Variants in SMC5 observed in about 807,000 individuals in gnomAD.
SMC5 encodes the protein structural maintenance of chromosomes 5.
A neutral mutation model predicts 148.3 loss-of-function variants in SMC5; 88 were observed. That is an observed-to-expected ratio of 0.59 (90% CI 0.50 to 0.71). The LOEUF is 0.71. Among genes scored for constraint, SMC5 ranks in the 30% least tolerant of loss-of-function variants. SMC5 has a pLI of 0.00. For missense variants in SMC5, 1,142 were observed against 1,298.9 expected, an observed-to-expected ratio of 0.88 and a Z score of 1.86; for synonymous variants, 421 against 432.8, an observed-to-expected ratio of 0.97 and a Z score of 0.34.
At position 70,298,170 on chromosome 9, in the gene SMC5, G is replaced by A. The variant is rs778198722; in HGVS notation, c.1258G>A (p.Glu420Lys). Residue 420 changes from glutamate (E) to lysine (K), a missense_variant, in exon 9 of 25, where the codon GAA (glutamate) becomes AAA (lysine). Around this residue, in one of 5 missense-constraint regions of SMC5, gnomAD observed 743 missense variants for 835.7 expected, o/e 0.89. Transcript: ENST00000361138. Reference sequence around the variant, plus strand: ...GGATGAAAAGGCATTATGTGAAGGCGAAATAATTGATAAGCGAAGAGAGAG... The same window carrying A: ...GGATGAAAAGGCATTATGTGAAGGCAAAATAATTGATAAGCGAAGAGAGAG... The part of the protein sequence containing the change: ...IQDEKALCEG[E>K]IIDKRRERET... 3.7e-6 allele frequency: 6 copies of A among 1,613,802 alleles called. No homozygotes were observed. The African/African-American group carries it at 4.0e-5, about 11-fold the overall frequency.
intron 8 of SMC5, among the ~76,000 whole-genome samples, chr9:70,296,588 A>C (rs527499915): frequency 6.6e-6 from 1 of 152,144 alleles, no homozygotes; most frequent in Admixed American, 6.6e-5. Context: ...AAGGACATTA[A>C]GATTATAAGT....
chr9:70,342,562 A>G (rs2036557130), intron 17 of SMC5, among the ~76,000 whole-genome samples: 1 of 152,050 alleles, frequency 6.6e-6, no homozygotes, highest in Non-Finnish European at 1.5e-5. Flanking sequence ...GACCTGTTTT[A>G]TTTCTCAGAA....
intron 17 of SMC5, among the ~76,000 whole-genome samples, chr9:70,342,156 G>T (rs867877667): frequency 9.4e-5 from 14 of 149,440 alleles, no homozygotes; most frequent in Non-Finnish European, 3.0e-5. Context: ...ACCAAACACC[G>T]CATGTTCTCA....
At chr9:70,262,308 A>T (rs948832586) in intron 1 of SMC5, among the ~76,000 whole-genome samples, 33 of 152,150 alleles carry the variant, frequency 2.2e-4, no homozygotes, top group Admixed American at 3.9e-4. Context: ...GTCTAAGGAG[A>T]GAATAGGGAA....
At chr9:70,344,077 A>G in intron 17 of SMC5, 67 bp from the exon 18 acceptor site, 1 of 895,068 alleles carries the variant, frequency 1.1e-6, no homozygotes, top group South Asian at 2.9e-5. Context: ...AATATGTGGT[A>G]GTTTAATAAA....
chr9:70,290,614 A>C (rs1269743983), intron 8 of SMC5, among the ~76,000 whole-genome samples: 4 of 151,766 alleles, frequency 2.6e-5, no homozygotes, highest in Non-Finnish European at 5.9e-5. Context: ...GTGTAGATTC[A>C]GAGTACTATC....
chr9:70,343,558 T>TA (rs1363434848), intron 17 of SMC5, among the ~76,000 whole-genome samples: 13 of 152,272 alleles, frequency 8.5e-5, no homozygotes, highest in East Asian at 3.9e-4. Flanking sequence ...CTCACACCTG[T>TA]AATCCCAGCA....
intron 2 of SMC5, among the ~76,000 whole-genome samples, chr9:70,266,350 A>G (rs993410337): frequency 2.6e-5 from 4 of 152,070 alleles, no homozygotes; most frequent in Non-Finnish European, 5.9e-5. Context: ...AATTATCTGG[A>G]CTTCAGTTTT....
intron 17 of SMC5, among the ~76,000 whole-genome samples, chr9:70,330,300 C>T (rs1436399168): frequency 6.6e-6 from 1 of 152,118 alleles, no homozygotes; most frequent in African/African-American, 2.4e-5. Flanking sequence ...CACACACATA[C>T]TTCACCCCAG....
At chr9:70,337,707 C>T (rs1329024102) in intron 17 of SMC5, among the ~76,000 whole-genome samples, 5 of 152,112 alleles carry the variant, frequency 3.3e-5, no homozygotes, top group Non-Finnish European at 5.9e-5. Flanking sequence ...CCACCCGCCT[C>T]GGCCTCCCAA....
chr9:70,339,481 G>T (rs1306547964), intron 17 of SMC5, among the ~76,000 whole-genome samples: 1 of 151,278 alleles, frequency 6.6e-6, no homozygotes, highest in Non-Finnish European at 1.5e-5. Context: ...TAGTAGAATA[G>T]GTGTATGATA....
chr9:70,342,198 A>G (rs1235557859), intron 17 of SMC5, among the ~76,000 whole-genome samples: 2 of 141,348 alleles, frequency 1.4e-5, no homozygotes, highest in East Asian at 2.1e-4. Flanking sequence ...ATGAGAACAC[A>G]TGGACACAGG....
intron 3 of SMC5, among the ~76,000 whole-genome samples, chr9:70,270,848 T>C (rs1028024469): frequency 6.6e-6 from 1 of 151,964 alleles, no homozygotes. Context: ...GGTTTCGCCA[T>C]GTTGGCCAGG....
chr9:70,348,854 G>C (rs1405419273), intron 22 of SMC5, among the ~76,000 whole-genome samples: 1 of 151,838 alleles, frequency 6.6e-6, no homozygotes, highest in Non-Finnish European at 1.5e-5. Flanking sequence ...TCCCACTTTG[G>C]GAGGCCAAGG....
rs1342654623 is a variant in SMC5, at chr9:70,259,136, C to T, written c.58C>T (p.Leu20Phe). ...AAGCCCCCAGCCTTCCAAGAGAGCT[C>T]TCCCGAGAGACCCTTCGTCGGAGGT... The part of the protein sequence containing the change: ...TPSPQPSKRA[L>F]PRDPSSEVPS... Residue 20 changes from leucine to phenylalanine, a missense_variant, in exon 1 of 25, where the codon CTC (leucine) becomes TTC (phenylalanine). Coordinates refer to ENST00000361138, the MANE Select transcript of SMC5 (RefSeq NM_015110.4). 6.2e-7 allele frequency: 1 copy of T among 1,612,764 alleles called. No individual in the cohort carries two copies. Among genetic ancestry groups the T allele is most frequent in the African/African-American group, 1.3e-5 (1 of 74,930 alleles).
At chr9:70,289,313 C>A (rs933304645) in intron 8 of SMC5, among the ~76,000 whole-genome samples, 1 of 152,208 alleles carries the variant, frequency 6.6e-6, no homozygotes, top group African/African-American at 2.4e-5. Context: ...GCTAGAATTA[C>A]AAGTGTGAGC....
chr9:70,290,656 CT>C (rs1401651732), intron 8 of SMC5, among the ~76,000 whole-genome samples: 2 of 152,026 alleles, frequency 1.3e-5, no homozygotes, highest in Non-Finnish European at 2.9e-5. Context: ...TTAAAGATGC[CT>C]TTTAGTATAT....
chr9:70,291,901 G>T (rs754358089), intron 8 of SMC5, among the ~76,000 whole-genome samples: 15 of 152,032 alleles, frequency 9.9e-5, no homozygotes, highest in Non-Finnish European at 1.8e-4. Flanking sequence ...CTCTCCAGTG[G>T]CTGCTAGACT....
At chr9:70,289,141 G>T (rs753249258) in intron 8 of SMC5, among the ~76,000 whole-genome samples, 2 of 151,988 alleles carry the variant, frequency 1.3e-5, no homozygotes, top group Non-Finnish European at 2.9e-5. Context: ...CGGTTCAAGC[G>T]ATTCTCCTGC....
Sources: gnomAD v4.1 joint callset for allele counts (sites outside exome capture counted in the v4.1 genomes callset) on GRCh38, gnomAD v4.1.1 for gene constraint, gnomAD v4.1.1 regional missense constraint, MANE v1.5 for transcripts, NCBI Gene and HGNC (gene_info 2026-07-23, HGNC 2026-07-21) for gene names.